Variants in PIK3C2G observed in about 807,000 individuals in gnomAD.
PIK3C2G encodes the protein phosphatidylinositol-4-phosphate 3-kinase catalytic subunit type 2 gamma, also known as phosphatidylinositol 3-kinase C2 domain-containing subunit gamma.
A neutral mutation model predicts 181.1 loss-of-function variants in PIK3C2G; 168 were observed. The observed-to-expected ratio is 0.93, with a 90% CI of 0.82 to 1.05. PIK3C2G has a LOEUF of 1.05. Among genes scored for constraint, PIK3C2G ranks in the 50% least tolerant of loss-of-function variants. The pLI is 0.00. For synonymous variants in PIK3C2G, 573 were observed against 592.2 expected, an observed-to-expected ratio of 0.97 and a Z score of 0.47; for missense variants, 1,869 against 1,732.8, an observed-to-expected ratio of 1.08 and a Z score of -1.40.
chr12:18,544,165 G>T (rs1944306447), intron 25 of PIK3C2G, among the ~76,000 whole-genome samples: 1 of 151,756 alleles, frequency 6.6e-6, no homozygotes. Context: ...ATGTGTGGAG[G>T]TTTAATGAGC....
intron 1 of PIK3C2G, among the ~76,000 whole-genome samples, chr12:18,278,897 A>G (rs961794182): frequency 5.3e-5 from 8 of 152,084 alleles, no homozygotes; most frequent in African/African-American, 1.9e-4. Flanking sequence ...GATCTGGAAG[A>G]GGTTGTGTTT....
intron 30 of PIK3C2G, among the ~76,000 whole-genome samples, chr12:18,601,589 T>G (rs947416750): frequency 2.0e-5 from 3 of 152,134 alleles, no homozygotes; most frequent in African/African-American, 7.2e-5. Context: ...TAGTTAATCA[T>G]AATATGTTAA....
intron 18 of PIK3C2G, among the ~76,000 whole-genome samples, chr12:18,446,232 G>T (rs1947017709): frequency 1.3e-5 from 2 of 152,030 alleles, no homozygotes; most frequent in Admixed American, 1.3e-4. Flanking sequence ...TCTTCTGTTT[G>T]CCTCTTAAGA....
At chr12:18,303,877 C>T (rs766487360) in intron 5 of PIK3C2G, among the ~76,000 whole-genome samples, 35 of 151,450 alleles carry the variant, frequency 2.3e-4, no homozygotes, top group Non-Finnish European at 4.4e-4. Context: ...TTAAATGAAA[C>T]AATTTTTTTA....
intron 16 of PIK3C2G, among the ~76,000 whole-genome samples, chr12:18,416,313 G>A (rs1945175049): frequency 6.6e-6 from 1 of 152,148 alleles, no homozygotes; most frequent in Non-Finnish European, 1.5e-5. Context: ...GTAACCTAAA[G>A]GTGAACCAGA....
At position 18,534,691 on chromosome 12, in the gene PIK3C2G, T is replaced by TA. The variant is rs1555116025; in HGVS notation, c.3324-3456dup. ...TGAAAATCATACGGGTCATTTGGATTAAAAAAAAAGAAAGGCTTCTGATCC... is the reference window on the plus strand; with the variant it reads ...TGAAAATCATACGGGTCATTTGGATTAAAAAAAAAAGAAAGGCTTCTGATCC... On this transcript the variant is annotated intron_variant, in intron 24 of 32. Coordinates refer to ENST00000538779, the MANE Select transcript of PIK3C2G (RefSeq NM_001288772.2). Among the ~76,000 whole-genome samples, 6 of 2,146 alleles carry TA rather than the reference T, an allele frequency of 2.8e-3. No homozygotes were observed. The Non-Finnish European group carries it at 0.034, about 12-fold the overall frequency. The allele number at this position is 2,146 out of a possible 152,430, so 1.4% of individuals were successfully genotyped here.
chr12:18,393,308 G>A (rs895616846), intron 15 of PIK3C2G, among the ~76,000 whole-genome samples: 1 of 152,032 alleles, frequency 6.6e-6, no homozygotes, highest in African/African-American at 2.4e-5. Context: ...GTGTGGTGCA[G>A]TTTTATTCTG....
chr12:18,679,597 C>A, the PIK3C2G span, among the ~76,000 whole-genome samples: 1 of 151,716 alleles, frequency 6.6e-6, no homozygotes, highest in Admixed American at 6.6e-5. Flanking sequence ...TGTTTCCGAG[C>A]CTGTGTCATT....
the PIK3C2G span, among the ~76,000 whole-genome samples, chr12:18,679,330 T>A: frequency 5.7e-4 from 87 of 152,194 alleles, no homozygotes; most frequent in African/African-American, 2.0e-3. Flanking sequence ...ATTTATTTTA[T>A]GCCTCATGCA....
At chr12:18,377,468 G>T (rs558017810) in intron 13 of PIK3C2G, among the ~76,000 whole-genome samples, 3 of 152,090 alleles carry the variant, frequency 2.0e-5, no homozygotes, top group African/African-American at 4.8e-5. Flanking sequence ...GATGTGTTGC[G>T]TTACAAGAAT....
chr12:18,518,198 T>C (rs1196683425), intron 24 of PIK3C2G, among the ~76,000 whole-genome samples: 1 of 152,162 alleles, frequency 6.6e-6, no homozygotes, highest in Non-Finnish European at 1.5e-5. Context: ...GAAGTTTTCT[T>C]TTTTTGTTGT....
chr12:18,399,392 A>G (rs1592159264), intron 15 of PIK3C2G, among the ~76,000 whole-genome samples: 1 of 151,842 alleles, frequency 6.6e-6, no homozygotes, highest in East Asian at 1.9e-4. Context: ...AAAAAAAAAA[A>G]CACGAATAAG....
intron 32 of PIK3C2G, among the ~76,000 whole-genome samples, chr12:18,645,044 C>T (rs1431440669): frequency 6.6e-6 from 1 of 152,008 alleles, no homozygotes; most frequent in African/African-American, 2.4e-5. Context: ...AATTCCAAAC[C>T]CACACATTTA....
the PIK3C2G span, chr12:18,723,228 A>G: frequency 8.2e-7 from 1 of 1,216,536 alleles, no homozygotes; most frequent in East Asian, 2.5e-5. Flanking sequence ...TCATAAAAAT[A>G]CTTTGCTTTG....
intron 29 of PIK3C2G, among the ~76,000 whole-genome samples, chr12:18,576,330 A>G (rs992168747): frequency 8.5e-5 from 13 of 152,190 alleles, no homozygotes; most frequent in African/African-American, 3.1e-4. Flanking sequence ...TGCCATGCCC[A>G]GGAACATTGC....
rs561428571 is a variant in PIK3C2G at position 18,285,759 on chromosome 12, C to T, written c.679-1088C>T. On this transcript the variant is annotated intron_variant, in intron 2 of 32. Transcript: ENST00000538779. ...CAGCAAAGGCATAAAATAAAATAAA[C>T]ATGTCAGGAGAAACAGAAGAACAGA... Among the ~76,000 whole-genome samples, 8 of 151,588 alleles carry T rather than the reference C, an allele frequency of 5.3e-5. No homozygotes were observed. In the East Asian group the frequency reaches 1.6e-3, roughly 29 times the overall value.
At position 18,399,760 on chromosome 12, in the gene PIK3C2G, A is replaced by G; in HGVS notation, c.2228A>G (p.Asp743Gly). The G allele has an allele frequency of 6.2e-7, 1 of 1,606,578 alleles. No individual in the cohort carries two copies. The highest frequency in any genetic ancestry group is 8.5e-7 in the Non-Finnish European group (1 of 1,174,642). Residue 743 changes from aspartate (D) to glycine (G), a missense_variant, in exon 16 of 33, where the codon GAT (aspartate) becomes GGT (glycine). Physicochemically the swap from Asp to Gly is moderately conservative, Grantham distance 94 (BLOSUM62 -1). Transcript: ENST00000538779. The part of the protein sequence containing the change: ...PLVLGSAPGW[D>G]ERTVSEMHTI... Reference sequence around the variant, plus strand: ...GTCCTGGGTAGTGCCCCTGGATGGGATGAAAGGACTGTTTCAGAAATGCAT... The same window carrying G: ...GTCCTGGGTAGTGCCCCTGGATGGGGTGAAAGGACTGTTTCAGAAATGCAT...
intron 29 of PIK3C2G, among the ~76,000 whole-genome samples, chr12:18,587,108 T>G (rs1217371325): frequency 6.6e-6 from 1 of 152,112 alleles, no homozygotes; most frequent in East Asian, 1.9e-4. Flanking sequence ...TCATACTGAA[T>G]GGACAAAAGC....
intron 24 of PIK3C2G, among the ~76,000 whole-genome samples, chr12:18,529,406 A>G (rs887571761): frequency 6.6e-6 from 1 of 152,172 alleles, no homozygotes; most frequent in Non-Finnish European, 1.5e-5. Flanking sequence ...TTAAACATTT[A>G]TGATATTTTA....
Sources: gnomAD v4.1 joint callset for allele counts (sites outside exome capture counted in the v4.1 genomes callset) on GRCh38, gnomAD v4.1.1 for gene constraint, MANE v1.5 for transcripts, NCBI Gene and HGNC (gene_info 2026-07-23, HGNC 2026-07-21) for gene names.